The following ZFHX3 variants were observed in gnomAD, a reference collection of about 807,000 sequenced individuals.
The protein encoded by ZFHX3 is zinc finger homeobox protein 3.
ZFHX3 carries 42 observed loss-of-function variants against 279.1 expected under a neutral mutation model. The ratio of observed to expected loss-of-function variants is 0.15; its 90% confidence interval spans 0.12 to 0.19. The LOEUF (loss-of-function observed/expected upper bound fraction) is 0.19. Ranked by LOEUF, ZFHX3 falls within the 10% of genes least tolerant of loss-of-function variation. The pLI, the probability that ZFHX3 is intolerant of heterozygous loss-of-function variation, is 1.00. For missense variants in ZFHX3, 4,981 were observed against 4,754.0 expected, an observed-to-expected ratio of 1.05 and a Z score of -1.40; for synonymous variants, 2,293 against 1,957.8, an observed-to-expected ratio of 1.17 and a Z score of -4.52.
chr16:72,953,606 T>A (rs1961103509), intron 2 of ZFHX3, among the ~76,000 whole-genome samples: 1 of 152,272 alleles, frequency 6.6e-6, no homozygotes, highest in East Asian at 1.9e-4. Context: ...TAAGCTCTTT[T>A]TTTTTCAAGA....
chr16:73,610,825 G>C (rs2052237349), intron 2 of ZFHX3, among the ~76,000 whole-genome samples: 1 of 152,182 alleles, frequency 6.6e-6, no homozygotes, highest in South Asian at 2.1e-4. Context: ...CAACAATTTT[G>C]GCTTAGATAC....
At chr16:73,101,442 G>A (rs1425693735) in intron 7 of ZFHX3, among the ~76,000 whole-genome samples, 1 of 152,040 alleles carries the variant, frequency 6.6e-6, no homozygotes, top group African/African-American at 2.4e-5. Flanking sequence ...GCAATGGCAC[G>A]ATCTTGGCTC....
chr16:73,796,122 A>C (rs1291041313), intron 1 of ZFHX3, among the ~76,000 whole-genome samples: 1 of 152,180 alleles, frequency 6.6e-6, no homozygotes, highest in Non-Finnish European at 1.5e-5. Context: ...CAAGTACCTA[A>C]TTTTCTTTTG....
intron 2 of ZFHX3, among the ~76,000 whole-genome samples, chr16:73,605,420 G>T (rs903322618): frequency 6.6e-6 from 1 of 152,138 alleles, no homozygotes; most frequent in Non-Finnish European, 1.5e-5. Flanking sequence ...AGATCCTAAC[G>T]TTAAATCAGC....
rs539494430 is a variant in ZFHX3, at chr16:72,938,792, G to A, written c.3216+11677C>T. On this transcript the variant is annotated intron_variant, in intron 3 of 9. Transcript: ENST00000268489. ...GACAGAGGTCAGAGCTCTTGTCCCT[G>A]GAGGAGTTGTTTGGTCTTCCTCCGC... Among the ~76,000 whole-genome samples the A allele has an allele frequency of 2.6e-5, 4 of 152,196 alleles. No individual in the cohort carries two copies. In the South Asian group the frequency reaches 8.3e-4, roughly 32 times the overall value.
chr16:73,035,511 A>G (rs1490559290), intron 1 of ZFHX3, among the ~76,000 whole-genome samples: 2 of 152,256 alleles, frequency 1.3e-5, no homozygotes, highest in Non-Finnish European at 2.9e-5. Context: ...GAACAATCTT[A>G]GTATCCAACA....
intron 1 of ZFHX3, among the ~76,000 whole-genome samples, chr16:73,878,596 T>C (rs2030031139): frequency 6.6e-6 from 1 of 152,138 alleles, no homozygotes; most frequent in Admixed American, 6.5e-5. Context: ...TTTCATTTGA[T>C]ATAGGGATAT....
chr16:73,411,340 C>T (rs543834504), intron 3 of ZFHX3, among the ~76,000 whole-genome samples: 23 of 152,318 alleles, frequency 1.5e-4, no homozygotes, highest in African/African-American at 5.1e-4. Flanking sequence ...CAGAAATTGG[C>T]ACCTGCCCTT....
In ZFHX3 at chr16:73,241,704, C is replaced by T. The variant is rs559829250; in HGVS notation, c.-1104+15343G>A. On this transcript the variant is annotated intron_variant, in intron 5 of 17. Coordinates refer to the ZFHX3 transcript ENST00000641206. ...ACTTGGGAGGCTGAGGCAGGAGAAT[C>T]GCTTGAACCCAGGAGGCGGAGGTTG... Among the ~76,000 whole-genome samples the T allele has an allele frequency of 2.3e-3, 342 of 147,608 alleles. 8 individuals are homozygous for T. The South Asian group carries it at 0.046, about 20-fold the overall frequency.
intron 4 of ZFHX3, among the ~76,000 whole-genome samples, chr16:73,300,237 T>G (rs2015020185): frequency 7.3e-6 from 1 of 136,908 alleles, no homozygotes; most frequent in Admixed American, 7.7e-5. Context: ...CACACTAGCC[T>G]GGGTGACAGA....
rs562350826 is a variant in ZFHX3, at chr16:73,210,505, T to A, written c.-1104+46542A>T. 2.0e-5 allele frequency among the ~76,000 whole-genome samples: 3 copies of A among 152,318 alleles called. No individual in the cohort carries two copies. The South Asian group carries it at 6.2e-4, about 32-fold the overall frequency. Reference sequence around the variant, plus strand: ...GAATAATGCCAGGAAAAGATACTTTTCTAAAAATCAATACGTTGAAAGTGC... The same window carrying A: ...GAATAATGCCAGGAAAAGATACTTTACTAAAAATCAATACGTTGAAAGTGC... On this transcript the variant is annotated intron_variant, in intron 5 of 17. Transcript: ENST00000641206.
chr16:73,461,438 G>A (rs923952288), intron 2 of ZFHX3, among the ~76,000 whole-genome samples: 2 of 152,096 alleles, frequency 1.3e-5, no homozygotes, highest in Non-Finnish European at 2.9e-5. Context: ...TTGCTTTTAT[G>A]TGTCAAGTCC....
chr16:73,600,408 G>A lies in ZFHX3; in HGVS notation c.-1547+79772C>T, dbSNP rs1247397457. Among the ~76,000 whole-genome samples the A allele has an allele frequency of 5.0e-5, 7 of 139,858 alleles. No individual in the cohort carries two copies. In the South Asian group the frequency reaches 1.7e-3, roughly 34 times the overall value. The allele number at this position is 139,858 out of a possible 152,430, so 91.8% of individuals were successfully genotyped here. The stretch of plus-strand genomic sequence containing the variant: ...TCTTTTAGCTCTGTGTATAGACCTT[G>A]GTCTCTCTACTTTTTTTTTTTTTTT... On this transcript the variant is annotated intron_variant, in intron 2 of 17. Coordinates refer to the ZFHX3 transcript ENST00000641206.
At chr16:73,095,240 T>G (rs1966145636) in intron 7 of ZFHX3, among the ~76,000 whole-genome samples, 1 of 152,132 alleles carries the variant, frequency 6.6e-6, no homozygotes, top group South Asian at 2.1e-4. Context: ...ATGCTTCTCT[T>G]AATATTATAC....
intron 5 of ZFHX3, among the ~76,000 whole-genome samples, chr16:73,156,209 G>A (rs929757224): frequency 2.1e-5 from 3 of 145,366 alleles, no homozygotes; most frequent in African/African-American, 7.6e-5. Context: ...TCCAGCCTGG[G>A]CGACAGAGTG....
At chr16:73,136,573 A>G (rs756597809) in intron 6 of ZFHX3, among the ~76,000 whole-genome samples, 7 of 151,610 alleles carry the variant, frequency 4.6e-5, no homozygotes, top group Non-Finnish European at 7.4e-5. Context: ...AAAACACCAA[A>G]AATTAGTCAG....
intron 4 of ZFHX3, among the ~76,000 whole-genome samples, chr16:72,864,223 A>AT (rs986278062): frequency 4.6e-5 from 7 of 151,768 alleles, no homozygotes; most frequent in Admixed American, 3.9e-4. Context: ...TGACCCTTAT[A>AT]TTTTTTTCTT....
chr16:73,197,875 T>C (rs996373140), intron 5 of ZFHX3, among the ~76,000 whole-genome samples: 5 of 150,330 alleles, frequency 3.3e-5, no homozygotes, highest in African/African-American at 7.3e-5. Context: ...CCAAATGTAC[T>C]TGGGTGTCGG....
At chr16:73,452,922 T>C (rs2018301325) in intron 3 of ZFHX3, among the ~76,000 whole-genome samples, 1 of 152,236 alleles carries the variant, frequency 6.6e-6, no homozygotes, top group African/African-American at 2.4e-5. Flanking sequence ...TAAATCTCTC[T>C]TTCTCAAAGA....
Sources: gnomAD v4.1 joint callset for allele counts (sites outside exome capture counted in the v4.1 genomes callset) on GRCh38, gnomAD v4.1.1 for gene constraint, MANE v1.5 for transcripts, NCBI Gene and HGNC (gene_info 2026-07-23, HGNC 2026-07-21) for gene names.